TRAPPC3L: variants seen among roughly 807,000 people sequenced by gnomAD.
TRAPPC3L encodes the protein trafficking protein particle complex subunit 3-like protein.
A neutral mutation model predicts 23.7 loss-of-function variants in TRAPPC3L; 23 were observed. The ratio of observed to expected loss-of-function variants is 0.97; its 90% confidence interval spans 0.70 to 1.37. TRAPPC3L has a LOEUF of 1.37. Ranked by LOEUF, TRAPPC3L falls within the 40% of genes most tolerant of loss-of-function variation. The pLI, the probability that TRAPPC3L is intolerant of heterozygous loss-of-function variation, is 0.00. For missense variants in TRAPPC3L, 212 were observed against 216.8 expected (o/e 0.98, Z 0.14); for synonymous variants, 81 against 77.9 (o/e 1.04, Z -0.21).
intron 1 of TRAPPC3L, among the ~76,000 whole-genome samples, chr6:116,544,151 AAGAG>A (rs141606346): frequency 0.011 from 1,459 of 132,966 alleles, 19 homozygotes; most frequent in African/African-American, 0.031. Context: ...AAAGGTGAAG[AAGAG>A]AGAGAGAGAG....
At chr6:116,521,722 C>G (rs1048250418) in intron 3 of TRAPPC3L, 6 of 152,218 alleles carry the variant, frequency 3.9e-5, no homozygotes, top group African/African-American at 1.4e-4. Flanking sequence ...CTGGCTACCC[C>G]TTAATCCAAT....
At chr6:116,541,261 G>A (rs1295198965) in intron 2 of TRAPPC3L, among the ~76,000 whole-genome samples, 1 of 152,182 alleles carries the variant, frequency 6.6e-6, no homozygotes, top group East Asian at 1.9e-4. Flanking sequence ...AGAAAGGTCA[G>A]AATCTCTATC....
chr6:116,497,714 A>G (rs2115151099), intron 4 of TRAPPC3L, among the ~76,000 whole-genome samples: 1 of 152,326 alleles, frequency 6.6e-6, no homozygotes, highest in African/African-American at 2.4e-5. Flanking sequence ...ATTCATTAAA[A>G]TGTGTCCACA....
intron 3 of TRAPPC3L, chr6:116,518,935 T>C (rs960501056): frequency 4.6e-5 from 7 of 152,204 alleles, no homozygotes; most frequent in African/African-American, 1.7e-4. Flanking sequence ...CAGGTTCTCA[T>C]CCTGACTCCT....
chr6:116,516,700 TATATATATAC>T (rs1261621767), intron 3 of TRAPPC3L: 3 of 130,506 alleles, frequency 2.3e-5, no homozygotes, highest in East Asian at 4.4e-4. Context: ...TATATATATA[TATATATATAC>T]ACACACACAG....
At chr6:116,540,693 T>C (rs1009336608) in intron 2 of TRAPPC3L, among the ~76,000 whole-genome samples, 3 of 151,582 alleles carry the variant, frequency 2.0e-5, no homozygotes, top group African/African-American at 7.3e-5. Flanking sequence ...AGCAGAAGAG[T>C]CTGCCTAGAA....
intron 3 of TRAPPC3L, among the ~76,000 whole-genome samples, chr6:116,534,615 C>G (rs1210595133): frequency 6.6e-6 from 1 of 152,158 alleles, no homozygotes; most frequent in East Asian, 1.9e-4. Context: ...GTGCCTAAAT[C>G]TTTTGTCCTA....
At chr6:116,512,278 C>A in intron 3 of TRAPPC3L, 1 of 1,550,548 alleles carries the variant, frequency 6.4e-7, no homozygotes, top group South Asian at 1.2e-5. Context: ...AGCATGAGCT[C>A]GAAGTATTCT....
intron 3 of TRAPPC3L, among the ~76,000 whole-genome samples, chr6:116,527,519 C>CAAAAAAAAA: frequency 8.9e-6 from 1 of 112,368 alleles, no homozygotes; most frequent in East Asian, 2.8e-4. Flanking sequence ...CGTCTCAAAA[C>CAAAAAAAAA]AAAAAAAAAA....
At chr6:116,516,162 G>A in intron 3 of TRAPPC3L, 5 of 808,714 alleles carry the variant, frequency 6.2e-6, no homozygotes, top group Middle Eastern at 3.8e-4. Flanking sequence ...ATCAGGATGT[G>A]CTCAAATTGA....
chr6:116,500,731 C>T (rs1392175482), intron 3 of TRAPPC3L, 65 bp from the exon 4 acceptor site: 2 of 1,401,216 alleles, frequency 1.4e-6, no homozygotes, highest in African/African-American at 2.9e-5. Flanking sequence ...GCAGACTAAA[C>T]AAATACCCAG....
rs1348827986 is a variant in TRAPPC3L at position 116,496,816 on chromosome 6, C to A, written c.*138G>T. 4 of 1,220,196 alleles carry A rather than the reference C, an allele frequency of 3.3e-6. No individual in the cohort carries two copies. The allele number at this position is 1,220,196 out of a possible 1,614,324, so 75.6% of individuals were successfully genotyped here. A position where few individuals can be genotyped will look rare whatever the true frequency, so the allele number is the denominator to read the frequency against. ...AAAAAAAAACCTTTAAGCCTTCATGCCCTGCATTTCAAATTTCTGGCTGAT... is the reference window on the plus strand; with the variant it reads ...AAAAAAAAACCTTTAAGCCTTCATGACCTGCATTTCAAATTTCTGGCTGAT... On this transcript the variant is annotated 3_prime_UTR_variant, in exon 5 of 5. Coordinates refer to ENST00000368602, the MANE Select transcript of TRAPPC3L (RefSeq NM_001139444.3).
At chr6:116,543,595 G>A (rs1198542471) in intron 1 of TRAPPC3L, among the ~76,000 whole-genome samples, 195 bp from the exon 2 acceptor site, 1 of 152,090 alleles carries the variant, frequency 6.6e-6, no homozygotes, top group East Asian at 1.9e-4. Flanking sequence ...TGTGAGGTGG[G>A]GGAGAGAGAG....
At chr6:116,511,282 C>A (rs2640886) in intron 3 of TRAPPC3L, among the ~76,000 whole-genome samples, 99,424 of 150,414 alleles carry the variant, frequency 0.66, 33,133 homozygotes, top group East Asian at 0.89. Flanking sequence ...AAGAGAAAAA[C>A]ATTCATAAAA....
At chr6:116,540,660 G>A (rs1400052680) in intron 2 of TRAPPC3L, among the ~76,000 whole-genome samples, 198 bp from the exon 3 acceptor site, 1 of 152,046 alleles carries the variant, frequency 6.6e-6, no homozygotes, top group Non-Finnish European at 1.5e-5. Flanking sequence ...ACACACTGAG[G>A]AAATATTAAC....
chr6:116,529,343 A>AT (rs1197926574), intron 3 of TRAPPC3L, among the ~76,000 whole-genome samples: 1 of 152,200 alleles, frequency 6.6e-6, no homozygotes, highest in Non-Finnish European at 1.5e-5. Context: ...TTATTCTAAG[A>AT]TAAGACAGTG....
At chr6:116,507,297 G>A (rs779214039) in intron 3 of TRAPPC3L, among the ~76,000 whole-genome samples, 1 of 152,120 alleles carries the variant, frequency 6.6e-6, no homozygotes, top group African/African-American at 2.4e-5. Context: ...TCAAAGCAGA[G>A]GATGCTAGGG....
chr6:116,538,394 A>G (rs1773225730), intron 3 of TRAPPC3L, among the ~76,000 whole-genome samples: 1 of 152,212 alleles, frequency 6.6e-6, no homozygotes, highest in South Asian at 2.1e-4. Flanking sequence ...GAGGTTGTAT[A>G]TGCCTCTACT....
chr6:116,542,332 A>C (rs1056882999), intron 2 of TRAPPC3L, among the ~76,000 whole-genome samples: 1 of 152,076 alleles, frequency 6.6e-6, no homozygotes, highest in Non-Finnish European at 1.5e-5. Flanking sequence ...ATAAATTATA[A>C]TTTTTTTAAA....
Sources: gnomAD v4.1 joint callset for allele counts (sites outside exome capture counted in the v4.1 genomes callset) on GRCh38, gnomAD v4.1.1 for gene constraint, MANE v1.5 for transcripts, NCBI Gene and HGNC (gene_info 2026-07-23, HGNC 2026-07-21) for gene names.